Variants in ATP2C2 observed in about 807,000 individuals in gnomAD.
The protein encoded by ATP2C2 is ATPase secretory pathway Ca2+ transporting 2.
ATP2C2 carries 171 observed loss-of-function variants against 110.8 expected under a neutral mutation model. The ratio of observed to expected loss-of-function variants is 1.54; its 90% CI spans 1.36 to 1.75. The LOEUF (loss-of-function observed/expected upper bound fraction) is 1.75. Among genes scored for constraint, ATP2C2 ranks in the 40% most tolerant of loss-of-function variants. ATP2C2 has a pLI of 0.00. For missense variants in ATP2C2, 1,963 were observed against 1,235.0 expected, an observed-to-expected ratio of 1.59 and a Z score of -8.84; for synonymous variants, 804 against 508.4, an observed-to-expected ratio of 1.58 and a Z score of -7.82.
At chr16:84,400,544 G>A (rs1478618993) in intron 2 of ATP2C2, among the ~76,000 whole-genome samples, 1 of 151,942 alleles carries the variant, frequency 6.6e-6, no homozygotes, top group Admixed American at 6.6e-5. Flanking sequence ...AGCCAGGATG[G>A]TCTCGATCTC....
chr16:84,375,722 A>G (rs1033148993), intron 1 of ATP2C2, among the ~76,000 whole-genome samples: 23 of 152,328 alleles, frequency 1.5e-4, no homozygotes, highest in Admixed American at 1.2e-3. Flanking sequence ...TACTTTTACA[A>G]TGTGCAGAGA....
In ATP2C2 at chr16:84,451,993, C is replaced by T. The variant is rs769137518; in HGVS notation, c.1733C>T (p.Pro578Leu). 39 of 1,613,984 alleles carry T rather than the reference C, an allele frequency of 2.4e-5. No individual in the cohort carries two copies. The Admixed American group carries it at 2.8e-4, about 12-fold the overall frequency. Residue 578 changes from proline to leucine, a missense_variant, in exon 18 of 27, where the codon CCG becomes CTG. Pro to Leu is a moderately conservative substitution (Grantham distance 98). Coordinates refer to ENST00000262429, the MANE Select transcript of ATP2C2 (RefSeq NM_014861.4). ...GGTCTTGTGGGCATCATTGACCCCCCGAGAGTTGGCGTGAAGGAAGCAGTC... is the reference window on the plus strand; with the variant it reads ...GGTCTTGTGGGCATCATTGACCCCCTGAGAGTTGGCGTGAAGGAAGCAGTC... Reference protein sequence around the residue: ...FLGLVGIIDPPRVGVKEAVQV... With the variant: ...FLGLVGIIDPLRVGVKEAVQV...
chr16:84,377,674 A>C (rs1179178992), intron 1 of ATP2C2, among the ~76,000 whole-genome samples: 1 of 152,136 alleles, frequency 6.6e-6, no homozygotes, highest in East Asian at 1.9e-4. Flanking sequence ...CCCAGCTTTA[A>C]ATATAGTCAC....
In ATP2C2 at chr16:84,412,194, A is replaced by G. The variant is rs547969329; in HGVS notation, c.515+1429A>G. Among the ~76,000 whole-genome samples, 26 of 152,182 alleles carry G rather than the reference A, an allele frequency of 1.7e-4. No homozygotes were observed. In the South Asian group the frequency reaches 3.3e-3, roughly 19 times the overall value. On this transcript the variant is annotated intron_variant, in intron 6 of 26. Coordinates refer to ENST00000262429, the MANE Select transcript of ATP2C2 (RefSeq NM_014861.4). ...CCACCACACCTGACTACTTTTTTGT[A>G]TCAGCTGCTACAAAAGTTACTGCAT... is the stretch of plus-strand genomic sequence containing the variant.
At chr16:84,459,991 C>G (rs117301769) in intron 23 of ATP2C2, 13 of 247,342 alleles carry the variant, frequency 5.3e-5, no homozygotes, top group South Asian at 1.7e-4. Context: ...GGGGACCCAT[C>G]TGGCCACGTG....
At chr16:84,440,791 G>T (rs1909176287) in intron 13 of ATP2C2, 66 bp from the exon 14 acceptor site, 2 of 1,250,516 alleles carry the variant, frequency 1.6e-6, no homozygotes, top group African/African-American at 1.5e-5. Flanking sequence ...GACAGAGATT[G>T]TGGGCCAACT....
At position 84,405,064 on chromosome 16, in the gene ATP2C2, GTACC is replaced by G. The variant is rs1413509691; in HGVS notation, c.211-63_211-60del. ...CCGCTGCCTTTCAGAGTGGGAGTCT[GTACC>G]CTGTTGCCTCATTCCTTGCTGCGCC... On this transcript the variant is annotated intron_variant, in intron 2 of 26. Coordinates refer to ENST00000262429, the MANE Select transcript of ATP2C2 (RefSeq NM_014861.4). The G allele has an allele frequency of 2.2e-6, 3 of 1,356,646 alleles. No homozygotes were observed. The African/African-American group carries it at 4.3e-5, about 19-fold the overall frequency. 84.0% of individuals were successfully genotyped at this position (1,356,646 alleles called of 1,614,324 possible).
chr16:84,422,568 C>G, intron 8 of ATP2C2, 29 bp downstream of exon 8: 1 of 1,611,650 alleles, frequency 6.2e-7, no homozygotes, highest in South Asian at 1.1e-5. Flanking sequence ...AGGCCTTGGG[C>G]TCCCGTAACC....
chr16:84,447,307 A>G (rs1394526182), intron 16 of ATP2C2, among the ~76,000 whole-genome samples: 1 of 152,170 alleles, frequency 6.6e-6, no homozygotes, highest in African/African-American at 2.4e-5. Flanking sequence ...ATAGATTTTC[A>G]AAAAACTTTT....
In ATP2C2 at chr16:84,442,557, G is replaced by A. The variant is rs1909365335; in HGVS notation, c.1359G>A (p.Met453Ile). 3 of 1,613,998 alleles carry A rather than the reference G, an allele frequency of 1.9e-6. No individual in the cohort carries two copies. The East Asian group carries it at 6.7e-5, about 36-fold the overall frequency. ...CGGTCATCAGAAAGAACGCCGTGATGGGGCAGCCCACCGAGGGTGCATTGA... is the reference window on the plus strand; with the variant it reads ...CGGTCATCAGAAAGAACGCCGTGATAGGGCAGCCCACCGAGGGTGCATTGA... ...NNAVIRKNAV[M>I]GQPTEGALMA... Residue 453 changes from methionine to isoleucine, a missense_variant, in exon 15 of 27, where the codon ATG becomes ATA. Met to Ile is a conservative substitution (Grantham distance 10). Transcript: ENST00000262429.
chr16:84,431,645 T>G (rs1908289272), intron 11 of ATP2C2, among the ~76,000 whole-genome samples: 1 of 151,418 alleles, frequency 6.6e-6, no homozygotes, highest in Non-Finnish European at 1.5e-5. Flanking sequence ...TGGGAACATA[T>G]CCGAGGGTCA....
At chr16:84,443,909 C>G (rs1044929759) in intron 15 of ATP2C2, among the ~76,000 whole-genome samples, 4 of 152,142 alleles carry the variant, frequency 2.6e-5, no homozygotes, top group Non-Finnish European at 5.9e-5. Context: ...TGCAGTGGCT[C>G]AAATCCCAGC....
At chr16:84,432,851 G>A (rs111548932) in intron 11 of ATP2C2, among the ~76,000 whole-genome samples, 1 of 152,190 alleles carries the variant, frequency 6.6e-6, no homozygotes, top group African/African-American at 2.4e-5. Context: ...GCTCTCAAGG[G>A]TGCTAACACA....
intron 1 of ATP2C2, among the ~76,000 whole-genome samples, chr16:84,373,274 C>T (rs575486013): frequency 2.0e-5 from 3 of 152,270 alleles, no homozygotes; most frequent in South Asian, 2.1e-4. Context: ...CCGAGGCAGG[C>T]GGATCACCTG....
chr16:84,383,307 C>T (rs932237722), intron 1 of ATP2C2, among the ~76,000 whole-genome samples: 3 of 152,222 alleles, frequency 2.0e-5, no homozygotes, highest in Admixed American at 2.0e-4. Flanking sequence ...CACTCACCTG[C>T]CGTGACCTTG....
Position 84,408,464 on chromosome 16 carries a change from G to T in ATP2C2, c.387G>T (p.Lys129Asn), listed in dbSNP as rs776490531. The T allele has an allele frequency of 1.9e-6, 3 of 1,613,676 alleles. No homozygotes were observed. The highest frequency in any genetic ancestry group is 1.7e-6 in the Non-Finnish European group (2 of 1,179,990). The part of the protein sequence containing the change: ...LGSALVSVLT[K>N]EYEDAVSIAT... ...CTGCCCTGGTGAGTGTCCTCACCAA[G>T]GAGTATGAGGACGCCGTCAGCATCG... is the stretch of plus-strand genomic sequence containing the variant. The change falls in exon 4 of 27, where the codon AAG (lysine) becomes AAT (asparagine). Residue 129 changes from lysine (K) to asparagine (N), a missense_variant. Transcript: ENST00000262429.
At chr16:84,417,226 A>T (rs895322336) in intron 7 of ATP2C2, among the ~76,000 whole-genome samples, 1 of 152,318 alleles carries the variant, frequency 6.6e-6, no homozygotes, top group East Asian at 1.9e-4. Flanking sequence ...GGTGCCTGGC[A>T]CAGGTGAGTG....
intron 10 of ATP2C2, among the ~76,000 whole-genome samples, chr16:84,423,475 T>C (rs1907539407): frequency 6.6e-6 from 1 of 152,236 alleles, no homozygotes; most frequent in Non-Finnish European, 1.5e-5. Flanking sequence ...TTTCTTGGCT[T>C]AACAGAGTAA....
At chr16:84,376,506 C>G (rs944189328) in intron 1 of ATP2C2, among the ~76,000 whole-genome samples, 3 of 151,410 alleles carry the variant, frequency 2.0e-5, no homozygotes, top group African/African-American at 4.8e-5. Context: ...TGTCAACTTT[C>G]TTAACACATT....
Sources: allele counts gnomAD v4.1 joint callset (sites outside exome capture counted in the v4.1 genomes callset), GRCh38; gene constraint gnomAD v4.1.1; transcripts MANE v1.5; gene names NCBI Gene and HGNC (gene_info 2026-07-23, HGNC 2026-07-21).